PTPRT: variants seen among roughly 807,000 people sequenced by gnomAD.
The protein encoded by PTPRT is protein tyrosine phosphatase receptor type T, also known as receptor-type tyrosine-protein phosphatase T.
Under a neutral mutation model 176.8 loss-of-function variants are expected in PTPRT, and 56 were observed. The observed-to-expected ratio is 0.32, with a 90% CI of 0.26 to 0.40. The LOEUF is 0.40. PTPRT is among the 10% of genes least tolerant of loss of function. The probability of loss-of-function intolerance (pLI) is 1.00; values close to 1 mark genes in which losing one functional copy is unlikely to be tolerated. For missense variants in PTPRT, 1,540 were observed against 1,908.2 expected, an observed-to-expected ratio of 0.81 and a Z score of 3.60; for synonymous variants, 783 against 739.0, an observed-to-expected ratio of 1.06 and a Z score of -0.96.
At chr20:42,152,000 T>A (rs897397527) in intron 17 of PTPRT, among the ~76,000 whole-genome samples, 5 of 152,184 alleles carry the variant, frequency 3.3e-5, no homozygotes, top group African/African-American at 9.6e-5. Context: ...GTTAACACAT[T>A]TACTGATGTC....
intron 1 of PTPRT, among the ~76,000 whole-genome samples, chr20:43,143,388 C>T (rs950305869): frequency 1.3e-5 from 2 of 152,208 alleles, no homozygotes; most frequent in Non-Finnish European, 2.9e-5. Flanking sequence ...GTTGCTAACT[C>T]GGCCCTTGAA....
rs142445827 is a variant in PTPRT at position 42,450,488 on chromosome 20, T to C, written c.1451-2159A>G. Among the ~76,000 whole-genome samples the C allele has an allele frequency of 2.4e-3, 363 of 152,332 alleles. 2 individuals carry two copies. The highest frequency in any genetic ancestry group is 7.9e-3 in the African/African-American group (327 of 41,584). The stretch of plus-strand genomic sequence containing the variant: ...AATTAGCCATTCACATTGCTTCTTT[T>C]ATGAACAAATTATCTATACCTTGTG... On this transcript the variant is annotated intron_variant, in intron 8 of 30. Coordinates refer to ENST00000373187, the MANE Select transcript of PTPRT (RefSeq NM_007050.6).
chr20:42,866,210 T>C (rs1489769054), intron 2 of PTPRT, among the ~76,000 whole-genome samples: 1 of 152,194 alleles, frequency 6.6e-6, no homozygotes, highest in Non-Finnish European at 1.5e-5. Context: ...ACACTTTCAC[T>C]TGCTAAGAAC....
chr20:42,778,771 A>G (rs987942601), intron 4 of PTPRT, among the ~76,000 whole-genome samples: 53 of 152,358 alleles, frequency 3.5e-4, no homozygotes, highest in African/African-American at 1.2e-3. Flanking sequence ...ATTCATATGC[A>G]TATCTACTAC....
At chr20:43,056,109 A>G (rs949707463) in intron 1 of PTPRT, among the ~76,000 whole-genome samples, 3 of 152,224 alleles carry the variant, frequency 2.0e-5, no homozygotes, top group African/African-American at 7.2e-5. Context: ...GTCAAATCCA[A>G]AACCTGAACT....
intron 7 of PTPRT, among the ~76,000 whole-genome samples, chr20:42,620,808 G>C (rs554449893): frequency 6.6e-6 from 1 of 152,244 alleles, no homozygotes; most frequent in South Asian, 2.1e-4. Flanking sequence ...CTTGCGCACG[G>C]TGCGCGCACC....
chr20:42,259,329 T>A (rs187841074), intron 13 of PTPRT, among the ~76,000 whole-genome samples: 133 of 152,332 alleles, frequency 8.7e-4, no homozygotes, highest in South Asian at 3.7e-3. Context: ...GTCTTTTTTT[T>A]ATCCATGGAA....
chr20:43,061,783 C>T (rs935911561), intron 1 of PTPRT, among the ~76,000 whole-genome samples: 2 of 152,232 alleles, frequency 1.3e-5, no homozygotes, highest in Admixed American at 1.3e-4. Context: ...TCTTTTCAGA[C>T]CCCATTAAAT....
chr20:42,978,428 T>G (rs1424301389), intron 1 of PTPRT, among the ~76,000 whole-genome samples: 2 of 152,182 alleles, frequency 1.3e-5, no homozygotes, highest in African/African-American at 4.8e-5. Flanking sequence ...TTTAAGGTTC[T>G]AAAACTATAT....
intron 1 of PTPRT, among the ~76,000 whole-genome samples, chr20:42,998,483 C>T (rs1984352471): frequency 6.6e-6 from 1 of 151,982 alleles, no homozygotes; most frequent in Non-Finnish European, 1.5e-5. Context: ...GAGAAGAAGC[C>T]GGCACTGTCA....
At chr20:42,267,070 A>C (rs111292283) in intron 13 of PTPRT, among the ~76,000 whole-genome samples, 16 of 152,334 alleles carry the variant, frequency 1.1e-4, no homozygotes, top group African/African-American at 3.4e-4. Flanking sequence ...AGGTGGGCTT[A>C]AGATTCTTTG....
intron 7 of PTPRT, among the ~76,000 whole-genome samples, chr20:42,614,199 CA>C: frequency 6.6e-6 from 1 of 152,266 alleles, no homozygotes; most frequent in East Asian, 1.9e-4. Flanking sequence ...TTCAATTTCA[CA>C]TAGCATTCTC....
chr20:42,632,670 T>C (rs1040124157), intron 7 of PTPRT, among the ~76,000 whole-genome samples: 5 of 149,476 alleles, frequency 3.3e-5, no homozygotes, highest in East Asian at 3.9e-4. Context: ...CTAATTTTAC[T>C]ATATTTTACT....
At chr20:42,876,787 T>C (rs2078939193) in intron 2 of PTPRT, among the ~76,000 whole-genome samples, 1 of 152,166 alleles carries the variant, frequency 6.6e-6, no homozygotes, top group South Asian at 2.1e-4. Flanking sequence ...TACAAGGAAT[T>C]CAGCAACGAG....
At chr20:42,193,677 T>G (rs1991086444) in intron 16 of PTPRT, among the ~76,000 whole-genome samples, 1 of 152,224 alleles carries the variant, frequency 6.6e-6, no homozygotes, top group East Asian at 1.9e-4. Context: ...AGCATAAGTT[T>G]TAGCACATAG....
chr20:42,758,891 G>A (rs907839636), intron 5 of PTPRT, among the ~76,000 whole-genome samples: 8 of 152,220 alleles, frequency 5.3e-5, no homozygotes, highest in African/African-American at 1.9e-4. Flanking sequence ...AGGTCACTTG[G>A]GCGGAAACTG....
At chr20:43,000,751 G>A (rs917545775) in intron 1 of PTPRT, among the ~76,000 whole-genome samples, 12 of 151,886 alleles carry the variant, frequency 7.9e-5, no homozygotes, top group Admixed American at 5.9e-4. Flanking sequence ...AGAATGAGCG[G>A]GCCCAAGAAA....
chr20:42,512,176 A>C, intron 7 of PTPRT, among the ~76,000 whole-genome samples: 1 of 152,158 alleles, frequency 6.6e-6, no homozygotes, highest in Non-Finnish European at 1.5e-5. Context: ...AATTTCTATG[A>C]ATTTTAATAC....
At chr20:42,997,051 G>C (rs1568724598) in intron 1 of PTPRT, among the ~76,000 whole-genome samples, 1 of 152,130 alleles carries the variant, frequency 6.6e-6, no homozygotes, top group Non-Finnish European at 1.5e-5. Context: ...CATGACCATG[G>C]AGAATTGACA....
Sources: gnomAD v4.1 joint callset for allele counts (sites outside exome capture counted in the v4.1 genomes callset) on GRCh38, gnomAD v4.1.1 for gene constraint, MANE v1.5 for transcripts, NCBI Gene and HGNC (gene_info 2026-07-23, HGNC 2026-07-21) for gene names.